The following SRCIN1 variants were observed in gnomAD, a reference collection of about 807,000 sequenced individuals.
SRCIN1 encodes P130Cas-associated protein.
Under a neutral mutation model 116.2 loss-of-function variants are expected in SRCIN1, and 50 were observed. The observed-to-expected ratio is 0.43, with a 90% CI of 0.34 to 0.54. The LOEUF (loss-of-function observed/expected upper bound fraction) is 0.54. Among genes scored for constraint, SRCIN1 ranks in the 20% least tolerant of loss-of-function variants. The probability of loss-of-function intolerance (pLI) is 0.02; values close to 1 mark genes in which losing one functional copy is unlikely to be tolerated. For synonymous variants in SRCIN1, 736 were observed against 750.0 expected, an observed-to-expected ratio of 0.98 and a Z score of 0.30; for missense variants, 1,446 against 1,672.0, an observed-to-expected ratio of 0.86 and a Z score of 2.36.
chr17:38,568,301 G>A lies in SRCIN1; in HGVS notation c.325-70C>T. On this transcript the variant is annotated intron_variant, in intron 2 of 18. Coordinates refer to ENST00000617146, the MANE Select transcript of SRCIN1 (RefSeq NM_025248.3). This position sits in a 1 kb window ranked among gnomAD's most constrained non-coding sequence, Gnocchi z 4.5. Reference sequence around the variant, plus strand: ...GAGGGGAAAAGAGGGGCAGGGGCAGGTTAGAGACCCTTGGAACTCAGCACT... The same window carrying A: ...GAGGGGAAAAGAGGGGCAGGGGCAGATTAGAGACCCTTGGAACTCAGCACT... The A allele has an allele frequency of 6.6e-7, 1 of 1,522,734 alleles. No individual in the cohort carries two copies. The highest frequency in any genetic ancestry group is 2.3e-5 in the East Asian group (1 of 43,710). The allele number at this position is 1,522,734 out of a possible 1,614,324, so 94.3% of individuals were successfully genotyped here. A position where few individuals can be genotyped will look rare whatever the true frequency, so the allele number is the denominator to read the frequency against.
Position 38,563,264 on chromosome 17 carries a change from CA to C in SRCIN1, c.740+58del. 6.5e-7 allele frequency: 1 copy of C among 1,539,218 alleles called. No individual in the cohort carries two copies. The highest frequency in any genetic ancestry group is 1.2e-5 in the South Asian group (1 of 83,852). Reference sequence around the variant, plus strand: ...CTGGGGAAGGGCCGGCGGGGTCCAGCACCCTGCAGAGGAGGAGCGTGGGGAA... The same window carrying C: ...CTGGGGAAGGGCCGGCGGGGTCCAGCCCCTGCAGAGGAGGAGCGTGGGGAA... On this transcript the variant is annotated intron_variant, in intron 5 of 18. Coordinates refer to ENST00000617146, the MANE Select transcript of SRCIN1 (RefSeq NM_025248.3). The surrounding 1 kb of genome is among the most constrained non-coding windows in gnomAD (Gnocchi z 5.8).
intron 1 of SRCIN1, among the ~76,000 whole-genome samples, chr17:38,583,996 G>A (rs944016271): frequency 6.6e-6 from 1 of 152,130 alleles, no homozygotes; most frequent in Non-Finnish European, 1.5e-5. Flanking sequence ...AGCAGCCCAG[G>A]GAAAAGACAC....
At chr17:38,601,463 C>G (rs1909016527) in intron 1 of SRCIN1, among the ~76,000 whole-genome samples, 1 of 151,922 alleles carries the variant, frequency 6.6e-6, no homozygotes, top group Admixed American at 6.6e-5. Flanking sequence ...ACCTGGGGGG[C>G]CGCGCGGTTG....
rs1159679246 is a variant in SRCIN1 at position 38,532,615 on chromosome 17, A to G, written c.*682T>C. ...ATACAGACTCCATGGCCTCACACCC[A>G]CCCTGAGGCCTCTCAAACTCCGGCC... On this transcript the variant is annotated 3_prime_UTR_variant, in exon 19 of 19. Transcript: ENST00000617146. This position sits in a 1 kb window ranked among gnomAD's most constrained non-coding sequence, Gnocchi z 4.3. 1 of 151,730 alleles carries G rather than the reference A, an allele frequency of 6.6e-6. No homozygotes were observed. The highest frequency in any genetic ancestry group is 1.5e-5 in the Non-Finnish European group (1 of 68,010). 9.4% of individuals were successfully genotyped at this position (151,730 alleles called of 1,614,324 possible).
chr17:38,565,192 A>G (rs1228628723), intron 3 of SRCIN1, among the ~76,000 whole-genome samples: 1 of 152,118 alleles, frequency 6.6e-6, no homozygotes, highest in African/African-American at 2.4e-5. Flanking sequence ...GTACTTTAAG[A>G]GCCTACTTTT....
chr17:38,589,223 C>A (rs956081699), intron 1 of SRCIN1, among the ~76,000 whole-genome samples: 2 of 152,206 alleles, frequency 1.3e-5, no homozygotes, highest in Non-Finnish European at 2.9e-5. Flanking sequence ...GCCATGATAA[C>A]CACTCTTGAA....
chr17:38,594,872 C>T (rs761311316), intron 1 of SRCIN1, among the ~76,000 whole-genome samples: 2 of 152,216 alleles, frequency 1.3e-5, no homozygotes, highest in East Asian at 1.9e-4. Context: ...CTCCTCCAGC[C>T]GGGCTGTTTG....
intron 18 of SRCIN1, among the ~76,000 whole-genome samples, chr17:38,533,826 G>A (rs922204336): frequency 3.9e-5 from 5 of 127,284 alleles, no homozygotes; most frequent in Non-Finnish European, 8.6e-5. Context: ...CAAGCCCTGC[G>A]GGGGACGGGG....
rs1364825055 is a variant in SRCIN1 at position 38,559,717 on chromosome 17, C to T, written c.1893G>A (p.Pro631=). Reference sequence around the variant, plus strand: ...CTGCGGGGGTGCTGCTGGCCGAGGGCGGGGGCGGGCCGGACACCGGGGTGG... The same window carrying T: ...CTGCGGGGGTGCTGCTGGCCGAGGGTGGGGGCGGGCCGGACACCGGGGTGG... ...SGATPVSGPP[P]PSASSTPAGQ... is the part of the protein sequence containing the mutation. The change falls in exon 10 of 19, where the codon CCG becomes CCA. Residue 631 remains proline (P), a synonymous_variant. Coordinates refer to ENST00000617146, the MANE Select transcript of SRCIN1 (RefSeq NM_025248.3). 2.6e-6 allele frequency: 4 copies of T among 1,533,182 alleles called. No individual in the cohort carries two copies. The Admixed American group carries it at 5.7e-5, about 22-fold the overall frequency. 95.0% of individuals were successfully genotyped at this position (1,533,182 alleles called of 1,614,324 possible). A position where few individuals can be genotyped will look rare whatever the true frequency, so the allele number is the denominator to read the frequency against.
At chr17:38,600,851 A>G (rs2143463234) in intron 1 of SRCIN1, among the ~76,000 whole-genome samples, 1 of 152,134 alleles carries the variant, frequency 6.6e-6, no homozygotes, top group South Asian at 2.1e-4. Context: ...CATCCCCCCA[A>G]CCCTGCCCCC....
chr17:38,538,416 C>CAAAAAAAAAA (rs536827040), intron 18 of SRCIN1, among the ~76,000 whole-genome samples: 1 of 100,568 alleles, frequency 9.9e-6, no homozygotes, highest in African/African-American at 3.7e-5. Context: ...GACTCCGTCT[C>CAAAAAAAAAA]AAAAAAAAAA....
intron 3 of SRCIN1, among the ~76,000 whole-genome samples, chr17:38,565,879 C>T (rs970841055): frequency 6.6e-6 from 1 of 152,088 alleles, no homozygotes; most frequent in Non-Finnish European, 1.5e-5. Flanking sequence ...TAGAAATGGG[C>T]CAGGGGCAGT....
chr17:38,598,242 A>G (rs1908827472), intron 1 of SRCIN1, among the ~76,000 whole-genome samples: 1 of 152,102 alleles, frequency 6.6e-6, no homozygotes, highest in Non-Finnish European at 1.5e-5. Context: ...GTGGGGTGGA[A>G]TAGGCAGCAG....
Position 38,603,834 on chromosome 17 carries a change from T to A in SRCIN1, c.22+1850A>T, listed in dbSNP as rs149780533. On this transcript the variant is annotated intron_variant, in intron 1 of 18. Transcript: ENST00000617146. Reference sequence around the variant, plus strand: ...CTTCTACCCCAGGCCACCAGCTAAGTCTCTGTCCCCAGCAACTCTCAGCTT... The same window carrying A: ...CTTCTACCCCAGGCCACCAGCTAAGACTCTGTCCCCAGCAACTCTCAGCTT... Among the ~76,000 whole-genome samples, 536 of 151,598 alleles carry A rather than the reference T, an allele frequency of 3.5e-3. 5 individuals carry two copies. The highest frequency in any genetic ancestry group is 0.012 in the African/African-American group (493 of 41,500).
At chr17:38,555,647 C>T (rs1055659586) in intron 11 of SRCIN1, among the ~76,000 whole-genome samples, 1 of 152,216 alleles carries the variant, frequency 6.6e-6, no homozygotes, top group African/African-American at 2.4e-5. Context: ...GGTCATACAG[C>T]TATTTTGCAG....
Position 38,552,919 on chromosome 17 carries a change from T to C in SRCIN1, c.2202-64A>G. 1.9e-6 allele frequency: 3 copies of C among 1,556,084 alleles called. No homozygotes were observed. The highest frequency in any genetic ancestry group is 4.0e-5 in the Admixed American group (2 of 50,034). ...GAGATGCCAGCCCAGCCCCCTGAAA[T>C]TGGGCAACTGGAAAGAAATCAGGCC... is the stretch of plus-strand genomic sequence containing the variant. On this transcript the variant is annotated intron_variant, in intron 11 of 18. Transcript: ENST00000617146. The surrounding 1 kb of genome is among the most constrained non-coding windows in gnomAD (Gnocchi z 5.3).
intron 18 of SRCIN1, among the ~76,000 whole-genome samples, chr17:38,533,874 G>A (rs1028238368): frequency 9.2e-5 from 14 of 151,986 alleles, no homozygotes; most frequent in Non-Finnish European, 1.3e-4. Context: ...CAAATGGCCC[G>A]CTGTACAGCC....
chr17:38,561,374 GAC>G, intron 7 of SRCIN1, 87 bp downstream of exon 7: 1 of 1,383,692 alleles, frequency 7.2e-7, no homozygotes, highest in Non-Finnish European at 9.4e-7. Flanking sequence ...CTCAGTCCAG[GAC>G]ACACACCTGC....
chr17:38,565,919 G>C (rs1906653527), intron 3 of SRCIN1, among the ~76,000 whole-genome samples: 1 of 152,182 alleles, frequency 6.6e-6, no homozygotes, highest in African/African-American at 2.4e-5. Flanking sequence ...TTGTGACCGA[G>C]AGGCTATGGC....
Sources: allele counts gnomAD v4.1 joint callset (sites outside exome capture counted in the v4.1 genomes callset), GRCh38; gene constraint gnomAD v4.1.1; non-coding constraint Gnocchi (gnomAD v3.1); transcripts MANE v1.5; gene names NCBI Gene and HGNC (gene_info 2026-07-23, HGNC 2026-07-21).